Variants in CNTNAP2 observed in about 807,000 individuals in gnomAD.
The protein encoded by CNTNAP2 is contactin associated protein 2.
Under a neutral mutation model 155.2 loss-of-function variants are expected in CNTNAP2, and 98 were observed. The ratio of observed to expected loss-of-function variants is 0.63; its 90% confidence interval spans 0.54 to 0.75. The LOEUF is 0.75. Ranked by LOEUF, CNTNAP2 falls within the 30% of genes least tolerant of loss-of-function variation. The pLI is 0.00. For missense variants in CNTNAP2, 1,727 were observed against 1,688.1 expected (o/e 1.02, Z -0.40); for synonymous variants, 651 against 631.2 (o/e 1.03, Z -0.47).
At chr7:148,046,044 A>G (rs1802768541) in intron 15 of CNTNAP2, among the ~76,000 whole-genome samples, 1 of 152,188 alleles carries the variant, frequency 6.6e-6, no homozygotes, top group Admixed American at 6.5e-5. Context: ...TTTCTCCTCT[A>G]ATGCTGTCCT....
chr7:148,114,001 C>A (rs1310574294), intron 15 of CNTNAP2, among the ~76,000 whole-genome samples: 1 of 152,220 alleles, frequency 6.6e-6, no homozygotes, highest in African/African-American at 2.4e-5. Context: ...GGCCTGGTCC[C>A]TGCCACCTCC....
At chr7:146,655,982 A>C (rs1053723178) in intron 1 of CNTNAP2, among the ~76,000 whole-genome samples, 3 of 152,252 alleles carry the variant, frequency 2.0e-5, no homozygotes, top group Non-Finnish European at 2.9e-5. Flanking sequence ...CCACTGAAGC[A>C]TAGCAAGGTC....
chr7:148,297,490 A>T (rs182186363), intron 21 of CNTNAP2, among the ~76,000 whole-genome samples: 10 of 152,266 alleles, frequency 6.6e-5, no homozygotes, highest in East Asian at 1.9e-4. Flanking sequence ...ATCATGGGAG[A>T]TTGCTCATTA....
At chr7:147,676,217 T>C (rs941956764) in intron 13 of CNTNAP2, among the ~76,000 whole-genome samples, 1 of 152,024 alleles carries the variant, frequency 6.6e-6, no homozygotes, top group Non-Finnish European at 1.5e-5. Flanking sequence ...AAATGAAGAA[T>C]GTTTTCTTAT....
chr7:147,144,597 C>T (rs548613101), intron 8 of CNTNAP2, among the ~76,000 whole-genome samples: 2 of 152,074 alleles, frequency 1.3e-5, no homozygotes, highest in African/African-American at 4.8e-5. Flanking sequence ...TCAGTGTCAT[C>T]GGCATACATA....
chr7:147,713,509 A>G (rs1265983623), intron 13 of CNTNAP2, among the ~76,000 whole-genome samples: 4 of 152,152 alleles, frequency 2.6e-5, no homozygotes, highest in Non-Finnish European at 5.9e-5. Flanking sequence ...GTAATAATTC[A>G]TTGTATGGAT....
intron 1 of CNTNAP2, among the ~76,000 whole-genome samples, chr7:146,557,757 C>T (rs1239662350): frequency 6.6e-6 from 1 of 152,130 alleles, no homozygotes; most frequent in Non-Finnish European, 1.5e-5. Flanking sequence ...TATTTGTATG[C>T]TCCCTGTGTG....
intron 8 of CNTNAP2, among the ~76,000 whole-genome samples, chr7:147,134,440 G>T (rs1167792877): frequency 6.6e-6 from 1 of 151,610 alleles, no homozygotes; most frequent in Admixed American, 6.6e-5. Flanking sequence ...AAAATCTAAA[G>T]ATTTCCGTAG....
At chr7:146,605,455 A>T (rs1276417216) in intron 1 of CNTNAP2, among the ~76,000 whole-genome samples, 1 of 145,556 alleles carries the variant, frequency 6.9e-6, no homozygotes, top group Admixed American at 6.7e-5. Context: ...GTATTAATGC[A>T]CTTAGTATAG....
intron 8 of CNTNAP2, among the ~76,000 whole-genome samples, chr7:147,296,132 C>T (rs1805437647): frequency 6.6e-6 from 1 of 152,134 alleles, no homozygotes; most frequent in African/African-American, 2.4e-5. Flanking sequence ...TATCTCTGGA[C>T]ATGTGATTAT....
chr7:147,418,813 C>G (rs1048527202), intron 10 of CNTNAP2, among the ~76,000 whole-genome samples: 1 of 152,138 alleles, frequency 6.6e-6, no homozygotes, highest in Non-Finnish European at 1.5e-5. Context: ...GTCTACTTTA[C>G]TGCAAGTTAG....
chr7:148,394,863 C>A (rs1293737354), intron 22 of CNTNAP2, among the ~76,000 whole-genome samples: 6 of 152,226 alleles, frequency 3.9e-5, no homozygotes, highest in African/African-American at 1.4e-4. Flanking sequence ...TCATAGGTTT[C>A]CCCTGGAAAA....
intron 20 of CNTNAP2, among the ~76,000 whole-genome samples, chr7:148,255,941 T>A (rs968470712): frequency 2.6e-5 from 4 of 152,268 alleles, no homozygotes; most frequent in African/African-American, 9.6e-5. Flanking sequence ...TCACTACCTC[T>A]CCCTGGGATT....
chr7:147,658,895 G>C (rs550864643), intron 13 of CNTNAP2, among the ~76,000 whole-genome samples: 12 of 152,146 alleles, frequency 7.9e-5, no homozygotes, highest in African/African-American at 2.9e-4. Context: ...TTCTCTTTGT[G>C]GTAATTTTGT....
chr7:147,705,516 G>A (rs1584910358), intron 13 of CNTNAP2, among the ~76,000 whole-genome samples: 1 of 152,140 alleles, frequency 6.6e-6, no homozygotes, highest in Non-Finnish European at 1.5e-5. Context: ...GGAAGAAGGT[G>A]CATTCTGTAG....
At chr7:146,949,107 G>A (rs1797252984) in intron 3 of CNTNAP2, among the ~76,000 whole-genome samples, 2 of 152,154 alleles carry the variant, frequency 1.3e-5, no homozygotes, top group African/African-American at 4.8e-5. Context: ...AGGGGCTTAA[G>A]CTTCATTTTC....
chr7:147,621,878 A>G (rs1210490341), intron 12 of CNTNAP2, among the ~76,000 whole-genome samples: 2 of 152,012 alleles, frequency 1.3e-5, no homozygotes, highest in South Asian at 4.1e-4. Flanking sequence ...TCTGTTGCCT[A>G]CAAGGAACAC....
intron 10 of CNTNAP2, among the ~76,000 whole-genome samples, chr7:147,440,149 C>T (rs894390590): frequency 1.3e-5 from 2 of 151,724 alleles, no homozygotes; most frequent in South Asian, 4.1e-4. Context: ...TTCCTTGTTT[C>T]CTTCCTGTCT....
At chr7:146,338,619 A>G (rs1308434354) in intron 1 of CNTNAP2, among the ~76,000 whole-genome samples, 1 of 151,768 alleles carries the variant, frequency 6.6e-6, no homozygotes, top group East Asian at 1.9e-4. Context: ...GTTAATACCC[A>G]CTCATGGCTC....
Sources: gnomAD v4.1 joint callset for allele counts (sites outside exome capture counted in the v4.1 genomes callset) on GRCh38, gnomAD v4.1.1 for gene constraint, MANE v1.5 for transcripts, NCBI Gene and HGNC (gene_info 2026-07-23, HGNC 2026-07-21) for gene names.